Variants in LRIG3 observed in about 807,000 individuals in gnomAD.
LRIG3 encodes leucine-rich repeats and immunoglobulin-like domains protein 3.
LRIG3 carries 76 observed loss-of-function variants against 114.5 expected under a neutral mutation model. The observed-to-expected ratio is 0.66, with a 90% CI of 0.55 to 0.80. LRIG3 has a LOEUF of 0.80. Among genes scored for constraint, LRIG3 ranks in the 30% least tolerant of loss-of-function variants. LRIG3 has a pLI of 0.00. For missense variants in LRIG3, 1,239 were observed against 1,382.8 expected (o/e 0.90, Z 1.65); for synonymous variants, 512 against 519.8 (o/e 0.98, Z 0.20).
intron 16 of LRIG3, among the ~76,000 whole-genome samples, chr12:58,875,629 G>T (rs1870890964): frequency 6.6e-6 from 1 of 152,194 alleles, no homozygotes; most frequent in South Asian, 2.1e-4. Flanking sequence ...TATTGTATGT[G>T]CCCCACAGTA....
At position 58,880,700 on chromosome 12, in the gene LRIG3, T is replaced by TC. The variant is rs754067261; in HGVS notation, c.1681dup (p.Glu561GlyfsTer16). The stretch of plus-strand genomic sequence containing the variant: ...GCGCAGCCGAAGGATGGTGGTATAC[T>TC]CCATCACCTCGCCACCTTGGGCCCG... On this transcript the variant is annotated frameshift_variant, in exon 13 of 19. Coordinates refer to ENST00000320743, the MANE Select transcript of LRIG3 (RefSeq NM_153377.5). LOFTEE classifies it high-confidence loss of function. 1.9e-6 allele frequency: 3 copies of TC among 1,614,212 alleles called. No homozygotes were observed. Among genetic ancestry groups the TC allele is most frequent in the Non-Finnish European group, 2.5e-6 (3 of 1,180,040 alleles).
intron 13 of LRIG3, chr12:58,880,299 CAAAAA>C: frequency 5.9e-6 from 2 of 339,730 alleles, no homozygotes; most frequent in East Asian, 7.3e-5. Flanking sequence ...GATTCCGTCT[CAAAAA>C]AAAAAAAAAG....
At chr12:58,901,335 A>G (rs1468585435) in intron 3 of LRIG3, among the ~76,000 whole-genome samples, 2 of 152,330 alleles carry the variant, frequency 1.3e-5, no homozygotes, top group East Asian at 3.9e-4. Flanking sequence ...CATATTCTGT[A>G]TAAGTCAGAC....
rs750848857 is a variant in LRIG3 at position 58,874,094 on chromosome 12, G to C, written c.3076C>G (p.Pro1026Ala). Reference sequence around the variant, plus strand: ...CTCGAGGCAACCGACGCTGGCTCTGGATTTGCACTAAAATCTAAAGAGGAC... The same window carrying C: ...CTCGAGGCAACCGACGCTGGCTCTGCATTTGCACTAAAATCTAAAGAGGAC... Reference protein sequence around the residue: ...NKSSLDFSANPEPASVASSNS... With the variant: ...NKSSLDFSANAEPASVASSNS... Residue 1026 changes from proline to alanine, a missense_variant, in exon 18 of 19, where the codon CCA (proline) becomes GCA (alanine). Physicochemically the swap from Pro to Ala is conservative, Grantham distance 27. Transcript: ENST00000320743. The C allele has an allele frequency of 1.1e-5, 18 of 1,614,050 alleles. No homozygotes were observed. The highest frequency in any genetic ancestry group is 1.4e-5 in the Non-Finnish European group (17 of 1,180,028).
rs1277367110 is a variant in LRIG3 at position 58,872,833 on chromosome 12, C to A, written c.3116-17G>T. 6.2e-7 allele frequency: 1 copy of A among 1,604,576 alleles called. No homozygotes were observed. The highest frequency in any genetic ancestry group is 8.5e-7 in the Non-Finnish European group (1 of 1,174,240). On this transcript the variant is annotated splice_polypyrimidine_tract_variant and intron_variant, in intron 18 of 18. Transcript: ENST00000320743. Reference sequence around the variant, plus strand: ...CAAAGGTACCTGAAAGAAAGAAACACCTTGAGCACATGGGTCCCTTTGCTA... The same window carrying A: ...CAAAGGTACCTGAAAGAAAGAAACAACTTGAGCACATGGGTCCCTTTGCTA...
intron 3 of LRIG3, among the ~76,000 whole-genome samples, chr12:58,892,027 GGAAA>G (rs1379054191): frequency 6.7e-6 from 1 of 150,130 alleles, no homozygotes; most frequent in Non-Finnish European, 1.5e-5. Flanking sequence ...CTGAACAAAT[GGAAA>G]GAAACAAACA....
intron 3 of LRIG3, among the ~76,000 whole-genome samples, chr12:58,894,751 G>A (rs973462122): frequency 6.6e-6 from 1 of 152,222 alleles, no homozygotes; most frequent in African/African-American, 2.4e-5. Flanking sequence ...ATTACTTAAT[G>A]TGGAAACACC....
chr12:58,888,630 T>C (rs1358795303), intron 6 of LRIG3, among the ~76,000 whole-genome samples, 158 bp from the exon 7 acceptor site: 1 of 152,314 alleles, frequency 6.6e-6, no homozygotes, highest in East Asian at 1.9e-4. Flanking sequence ...ATATAGTTTA[T>C]ACTATACTAA....
At position 58,890,192 on chromosome 12, in the gene LRIG3, G is replaced by C. The variant is rs572345196; in HGVS notation, c.516-53C>G. On this transcript the variant is annotated intron_variant, in intron 4 of 18. Coordinates refer to ENST00000320743, the MANE Select transcript of LRIG3 (RefSeq NM_153377.5). ...CCTTCTGATTTATTTGCAAGTTAAAGTGCAGGCCATCTCTGTATTAGAAGG... is the reference window on the plus strand; with the variant it reads ...CCTTCTGATTTATTTGCAAGTTAAACTGCAGGCCATCTCTGTATTAGAAGG... The C allele has an allele frequency of 8.0e-5, 127 of 1,589,494 alleles. No individual in the cohort carries two copies. The East Asian group carries it at 2.7e-3, about 34-fold the overall frequency.
chr12:58,893,896 G>A (rs781565145), intron 3 of LRIG3, among the ~76,000 whole-genome samples: 4 of 152,130 alleles, frequency 2.6e-5, no homozygotes. Context: ...GTATAGCTAC[G>A]CTTGTATTTA....
intron 3 of LRIG3, among the ~76,000 whole-genome samples, chr12:58,910,635 A>C (rs1167874212): frequency 6.6e-6 from 1 of 152,108 alleles, no homozygotes; most frequent in Non-Finnish European, 1.5e-5. Flanking sequence ...AAAACAAAAA[A>C]AACAAGTACC....
chr12:58,879,607 T>C (rs141680437), intron 13 of LRIG3, among the ~76,000 whole-genome samples: 175 of 152,324 alleles, frequency 1.1e-3, no homozygotes, highest in Middle Eastern at 6.8e-3. Context: ...ATGAATCATA[T>C]TCAAAATCTT....
Position 58,874,053 on chromosome 12 carries a change from A to T in LRIG3, c.3115+2T>A. 6.2e-7 allele frequency: 1 copy of T among 1,614,088 alleles called. No homozygotes were observed. The highest frequency in any genetic ancestry group is 1.1e-5 in the South Asian group (1 of 91,074). On this transcript the variant is annotated splice_donor_variant, in intron 18 of 18. Transcript: ENST00000320743. LOFTEE classifies it high-confidence loss of function. The stretch of plus-strand genomic sequence containing the variant: ...AGGTACCTGATAACTTAATAAACTT[A>T]CCCATGAAAGAATTACTCGAGGCAA...
At chr12:58,879,548 C>G (rs1322485038) in intron 13 of LRIG3, among the ~76,000 whole-genome samples, 1 of 152,136 alleles carries the variant, frequency 6.6e-6, no homozygotes, top group Non-Finnish European at 1.5e-5. Flanking sequence ...AAACTCAAAA[C>G]TGTTCTATGT....
At chr12:58,903,694 T>G (rs1183404295) in intron 3 of LRIG3, among the ~76,000 whole-genome samples, 1 of 152,010 alleles carries the variant, frequency 6.6e-6, no homozygotes, top group African/African-American at 2.4e-5. Context: ...TTTTTATGGT[T>G]TTAGGTCTAA....
At chr12:58,910,222 T>G (rs189680192) in intron 3 of LRIG3, among the ~76,000 whole-genome samples, 3 of 152,180 alleles carry the variant, frequency 2.0e-5, no homozygotes, top group Non-Finnish European at 2.9e-5. Flanking sequence ...TTATGCAATA[T>G]CTGATAAGAA....
chr12:58,906,619 T>C lies in LRIG3; in HGVS notation c.383+7363A>G, dbSNP rs115073822. Among the ~76,000 whole-genome samples the C allele has an allele frequency of 8.7e-3, 1,317 of 152,238 alleles. 21 individuals carry two copies. Among genetic ancestry groups the C allele is most frequent in the African/African-American group, 0.03 (1,250 of 41,520 alleles). ...ATAGCAGAATATTGCAGATCTGATT[T>C]GTGATCACTATGGCCAACTCTACCC... On this transcript the variant is annotated intron_variant, in intron 3 of 18. Transcript: ENST00000320743.
At chr12:58,919,296 G>A in intron 1 of LRIG3, 2 of 1,248,584 alleles carry the variant, frequency 1.6e-6, no homozygotes, top group Non-Finnish European at 2.2e-6. Flanking sequence ...AGCTCCCTGC[G>A]CTCTCCCCTA....
At chr12:58,917,466 GT>G (rs894138021) in intron 1 of LRIG3, among the ~76,000 whole-genome samples, 5 of 150,792 alleles carry the variant, frequency 3.3e-5, no homozygotes, top group East Asian at 1.9e-4. Context: ...TTACTGGGTT[GT>G]TTTTTTTTAG....
Sources: gnomAD v4.1 joint callset for allele counts (sites outside exome capture counted in the v4.1 genomes callset) on GRCh38, gnomAD v4.1.1 for gene constraint, MANE v1.5 for transcripts, NCBI Gene and HGNC (gene_info 2026-07-23, HGNC 2026-07-21) for gene names.